TRPM3: variants seen among roughly 807,000 people sequenced by gnomAD.
The protein encoded by TRPM3 is transient receptor potential cation channel subfamily M member 3.
TRPM3 carries 77 observed loss-of-function variants against 181.2 expected under a neutral mutation model. The observed-to-expected ratio is 0.42, with a 90% confidence interval of 0.35 to 0.51. TRPM3 has a LOEUF of 0.51. Among genes scored for constraint, TRPM3 ranks in the 20% least tolerant of loss-of-function variants. The pLI is 0.01. For synonymous variants in TRPM3, 745 were observed against 796.4 expected (o/e 0.94, Z 1.09); for missense variants, 1,759 against 2,196.7 (o/e 0.80, Z 3.98).
intron 1 of TRPM3, among the ~76,000 whole-genome samples, chr9:71,067,108 C>A (rs535210078): frequency 2.0e-5 from 3 of 152,162 alleles, no homozygotes; most frequent in Non-Finnish European, 4.4e-5. Context: ...CAAGAATATA[C>A]CCCCACAGGC....
At position 71,420,596 on chromosome 9, in the gene TRPM3, AAG is replaced by A. The variant is rs1262654401; in HGVS notation, c.183+26055_183+26056del. Among the ~76,000 whole-genome samples the A allele has an allele frequency of 4.6e-3, 662 of 144,136 alleles. 6 individuals are homozygous for A. The highest frequency in any genetic ancestry group is 0.016 in the African/African-American group (630 of 40,218). The allele number at this position is 144,136 out of a possible 152,430, so 94.6% of individuals were successfully genotyped here. A position where few individuals can be genotyped will look rare whatever the true frequency, so the allele number is the denominator to read the frequency against. On this transcript the variant is annotated intron_variant, in intron 1 of 24. Coordinates refer to the TRPM3 transcript ENST00000357533. ...GAAGAGAAAGAGAAAGAAAAAGAGAAAGAGAAGAGAAAGAAAGAAAGACAGAA... is the reference window on the plus strand; with the variant it reads ...GAAGAGAAAGAGAAAGAAAAAGAGAAAGAAGAGAAAGAAAGAAAGACAGAA...
At chr9:71,435,512 A>G (rs1274216421) in intron 1 of TRPM3, among the ~76,000 whole-genome samples, 2 of 152,194 alleles carry the variant, frequency 1.3e-5, no homozygotes, top group East Asian at 1.9e-4. Context: ...TCAGAAACCC[A>G]AAGTGTGCAA....
chr9:71,029,559 G>A (rs950532757), intron 1 of TRPM3, among the ~76,000 whole-genome samples: 2 of 152,012 alleles, frequency 1.3e-5, no homozygotes, highest in Non-Finnish European at 2.9e-5. Context: ...AATGTTACAT[G>A]AAATATGATA....
At chr9:71,070,650 A>T (rs1228582720) in intron 1 of TRPM3, among the ~76,000 whole-genome samples, 1 of 152,234 alleles carries the variant, frequency 6.6e-6, no homozygotes, top group African/African-American at 2.4e-5. Context: ...CACTTTTTTT[A>T]AAAATGATGA....
intron 1 of TRPM3, among the ~76,000 whole-genome samples, chr9:70,955,182 GA>G (rs551613653): frequency 7.9e-5 from 12 of 151,616 alleles, no homozygotes; most frequent in Non-Finnish European, 1.5e-4. Flanking sequence ...TTTGAGAGAC[GA>G]AAAAAAAGTG....
intron 24 of TRPM3, among the ~76,000 whole-genome samples, chr9:70,550,059 A>G (rs1432625867): frequency 3.3e-5 from 5 of 152,190 alleles, no homozygotes; most frequent in African/African-American, 4.8e-5. Context: ...TGGCCTTACT[A>G]AAAGCCCTTT....
intron 1 of TRPM3, among the ~76,000 whole-genome samples, chr9:71,416,877 C>G (rs1017421728): frequency 6.6e-6 from 1 of 151,930 alleles, no homozygotes; most frequent in Non-Finnish European, 1.5e-5. Flanking sequence ...ATCTGTCCCT[C>G]TAAATTAGAC....
At chr9:71,296,659 T>A (rs557637300) in intron 1 of TRPM3, among the ~76,000 whole-genome samples, 1 of 152,150 alleles carries the variant, frequency 6.6e-6, no homozygotes, top group African/African-American at 2.4e-5. Flanking sequence ...CCTAGGCAAA[T>A]TATCTGATAT....
intron 8 of TRPM3, among the ~76,000 whole-genome samples, chr9:70,691,170 A>G (rs2068427413): frequency 6.6e-6 from 1 of 152,170 alleles, no homozygotes; most frequent in Non-Finnish European, 1.5e-5. Context: ...CATATAAATT[A>G]AATATTGATT....
At chr9:70,810,992 G>C (rs1050728012) in intron 6 of TRPM3, among the ~76,000 whole-genome samples, 13 of 152,130 alleles carry the variant, frequency 8.5e-5, no homozygotes, top group Admixed American at 5.9e-4. Context: ...GTATCTTTAG[G>C]ATGATAAATA....
chr9:70,568,957 C>A (rs932086146), intron 22 of TRPM3, among the ~76,000 whole-genome samples: 21 of 152,272 alleles, frequency 1.4e-4, no homozygotes, highest in African/African-American at 5.1e-4. Context: ...GGAACCACAT[C>A]TATGTAGATA....
At chr9:71,092,583 C>A (rs905719026) in intron 1 of TRPM3, among the ~76,000 whole-genome samples, 1 of 151,982 alleles carries the variant, frequency 6.6e-6, no homozygotes, top group African/African-American at 2.4e-5. Context: ...AATTAGATTT[C>A]TTTGGAATTG....
rs1389365449 is a variant in TRPM3 at position 70,843,073 on chromosome 9, C to T, written c.731G>A (p.Gly244Glu). The T allele has an allele frequency of 6.2e-7, 1 of 1,613,598 alleles. No homozygotes were observed. Among genetic ancestry groups the T allele is most frequent in the Non-Finnish European group, 8.5e-7 (1 of 1,179,824 alleles). Residue 244 changes from glycine (G) to glutamate (E), a missense_variant, in exon 5 of 26, where the codon GGA becomes GAA. Gly to Glu is a moderately conservative substitution (Grantham distance 98). This residue lies in a region of TRPM3 where 737 missense variants were observed against 957.4 expected (regional missense o/e 0.77). Transcript: ENST00000677713. ...ALKDHASKSR[G>E]KICTIGIAPW... ...GGCAATACCTATGGTGCATATCTTT[C>T]CTCGAGACTTAGAGGCATGATCCTT...
chr9:70,630,066 G>A (rs940217628), intron 12 of TRPM3, among the ~76,000 whole-genome samples: 2 of 152,188 alleles, frequency 1.3e-5, no homozygotes, highest in African/African-American at 4.8e-5. Context: ...TGATGCATTT[G>A]CATTGCTTCT....
chr9:70,578,175 T>G (rs1407876674), intron 22 of TRPM3, among the ~76,000 whole-genome samples: 1 of 152,146 alleles, frequency 6.6e-6, no homozygotes, highest in Non-Finnish European at 1.5e-5. Flanking sequence ...ATGGGGGGTT[T>G]GATTCCCCTT....
At chr9:70,576,953 C>T (rs1333065599) in intron 22 of TRPM3, among the ~76,000 whole-genome samples, 2 of 152,270 alleles carry the variant, frequency 1.3e-5, no homozygotes, top group South Asian at 2.1e-4. Flanking sequence ...TCTTTTCATG[C>T]CTATTTCCAT....
At chr9:71,201,711 G>A (rs1262230770) in intron 1 of TRPM3, among the ~76,000 whole-genome samples, 2 of 152,198 alleles carry the variant, frequency 1.3e-5, no homozygotes, top group African/African-American at 2.4e-5. Context: ...TCGAGCCTTG[G>A]CTTTCAGCTC....
intron 6 of TRPM3, among the ~76,000 whole-genome samples, chr9:70,818,674 A>T (rs2092909523): frequency 6.6e-6 from 1 of 152,216 alleles, no homozygotes. Context: ...CCTGTTAAGC[A>T]AGTCAGTGTG....
At chr9:70,884,370 C>T (rs1212765197) in intron 1 of TRPM3, among the ~76,000 whole-genome samples, 1 of 152,138 alleles carries the variant, frequency 6.6e-6, no homozygotes, top group African/African-American at 2.4e-5. Context: ...ATCTATAAGG[C>T]AAATGTCTGA....
Sources: allele counts gnomAD v4.1 joint callset (sites outside exome capture counted in the v4.1 genomes callset), GRCh38; gene constraint gnomAD v4.1.1; regional missense constraint gnomAD v4.1.1; transcripts MANE v1.5; gene names NCBI Gene and HGNC (gene_info 2026-07-23, HGNC 2026-07-21).